Variants in MRC1 observed in about 807,000 individuals in gnomAD.
MRC1 encodes mannose receptor C-type 1, also known as macrophage mannose receptor 1.
In MRC1, 62 loss-of-function variants were observed where a neutral mutation model predicts 102.9. The ratio of observed to expected loss-of-function variants is 0.60; its 90% CI spans 0.49 to 0.74. The LOEUF is 0.74. MRC1 is among the 30% of genes least tolerant of loss of function. The probability of loss-of-function intolerance (pLI) is 0.00; values close to 1 mark genes in which losing one functional copy is unlikely to be tolerated. For missense variants in MRC1, 1,237 were observed against 862.8 expected, an observed-to-expected ratio of 1.43 and a Z score of -5.43; for synonymous variants, 457 against 298.4, an observed-to-expected ratio of 1.53 and a Z score of -5.48.
At chr10:17,883,437 GC>G (rs1312190553) in intron 21 of MRC1, among the ~76,000 whole-genome samples, 5 of 586 alleles carry the variant, frequency 8.5e-3, no homozygotes, top group Non-Finnish European at 0.018. Flanking sequence ...CTGTACTCAT[GC>G]TGCTTTTTCT....
chr10:17,827,071 A>G lies in MRC1; in HGVS notation c.464-471A>G, dbSNP rs1033588224. 2.6e-3 allele frequency among the ~76,000 whole-genome samples: 401 copies of G among 152,244 alleles called. 1 individual carries two copies. Among genetic ancestry groups the G allele is most frequent in the African/African-American group, 8.9e-3 (370 of 41,552 alleles). On this transcript the variant is annotated intron_variant, in intron 2 of 29. Transcript: ENST00000569591. ...AAGAGAAAGAACTGTTTCAGAGGAA[A>G]TTCAGAAGTTAAAGCTGGTGTCAAT...
intron 2 of MRC1, among the ~76,000 whole-genome samples, chr10:17,826,778 A>T (rs1009771235): frequency 6.6e-6 from 1 of 152,120 alleles, no homozygotes; most frequent in Non-Finnish European, 1.5e-5. Context: ...AGAGCTTCCC[A>T]CTCAATCTGT....
At position 17,885,335 on chromosome 10, in the gene MRC1, C is replaced by T. The variant is rs999699772; in HGVS notation, c.3047C>T (p.Ser1016Leu). 421 of 780,858 alleles carry T rather than the reference C, an allele frequency of 5.4e-4. No individual in the cohort carries two copies. Among genetic ancestry groups the T allele is most frequent in the Non-Finnish European group, 3.5e-4 (147 of 417,964 alleles). The allele number at this position is 780,858 out of a possible 1,614,324, so 48.4% of individuals were successfully genotyped here. ...TGGACTGGGCTGAATGATGTCAATTCAGAACACACGTTCCTTTGGACGGAT... is the reference window on the plus strand; with the variant it reads ...TGGACTGGGCTGAATGATGTCAATTTAGAACACACGTTCCTTTGGACGGAT... ...SAWTGLNDVN[S>L]EHTFLWTDGR... is the part of the protein sequence containing the mutation. The change falls in exon 22 of 30, where the codon TCA becomes TTA. Residue 1016 changes from serine to leucine, a missense_variant. Ser to Leu is a moderately radical substitution (Grantham distance 145). Coordinates refer to ENST00000569591, the MANE Select transcript of MRC1 (RefSeq NM_002438.4).
rs1009354996 is a variant in MRC1, at chr10:17,910,338, G to T, written c.4244G>T (p.Arg1415Leu). ...LAAYFFYKKR[R>L]VHLPQEGAFE... ...GCCTATTTCTTTTATAAGAAAAGAC[G>T]TGTGCACCTACCTCAAGAGGGCGCC... is the stretch of plus-strand genomic sequence containing the variant. The change falls in exon 30 of 30, where the codon CGT becomes CTT. Residue 1415 changes from arginine (R) to leucine (L), a missense_variant. By Grantham distance (102) the Arg-to-Leu change is moderately radical (BLOSUM62 -2). Transcript: ENST00000569591. 140 of 780,662 alleles carry T rather than the reference G, an allele frequency of 1.8e-4. No individual in the cohort carries two copies. In the African/African-American group the frequency reaches 2.2e-3, roughly 12 times the overall value. 48.4% of individuals were successfully genotyped at this position (780,662 alleles called of 1,614,324 possible). A position where few individuals can be genotyped will look rare whatever the true frequency, so the allele number is the denominator to read the frequency against.
chr10:17,875,563 G>C (rs1310860244), intron 17 of MRC1, among the ~76,000 whole-genome samples: 1 of 152,158 alleles, frequency 6.6e-6, no homozygotes, highest in East Asian at 1.9e-4. Context: ...ATGGTCTCCA[G>C]TTCCATCCAG....
At chr10:17,860,868 T>C (rs1362811532) in intron 9 of MRC1, among the ~76,000 whole-genome samples, 1 of 152,264 alleles carries the variant, frequency 6.6e-6, no homozygotes, top group Non-Finnish European at 1.5e-5. Flanking sequence ...TTTATTTGCA[T>C]ATTTGTCATA....
At chr10:17,850,240 A>G (rs1339464274) in intron 7 of MRC1, among the ~76,000 whole-genome samples, 1 of 144,434 alleles carries the variant, frequency 6.9e-6, no homozygotes, top group Non-Finnish European at 1.5e-5. Flanking sequence ...GGTGTTGAAC[A>G]GTGAAAAATA....
At chr10:17,861,870 A>G (rs1353736211) in intron 10 of MRC1, among the ~76,000 whole-genome samples, 1 of 152,228 alleles carries the variant, frequency 6.6e-6, no homozygotes, top group African/African-American at 2.4e-5. Flanking sequence ...CCACCAAAAA[A>G]GAAGGCAAAG....
intron 4 of MRC1, among the ~76,000 whole-genome samples, chr10:17,836,215 G>C (rs566879853): frequency 6.6e-6 from 1 of 152,318 alleles, no homozygotes; most frequent in East Asian, 1.9e-4. Flanking sequence ...TCACCAACCA[G>C]AACACATCTC....
At chr10:17,849,186 C>T (rs1170807734) in intron 6 of MRC1, among the ~76,000 whole-genome samples, 2 of 151,082 alleles carry the variant, frequency 1.3e-5, no homozygotes, top group Non-Finnish European at 3.0e-5. Context: ...CCTGTAGTAG[C>T]AGCTACTTAG....
intron 29 of MRC1, 91 bp from the exon 30 acceptor site, chr10:17,910,124 G>A: frequency 2.6e-6 from 2 of 768,968 alleles, no homozygotes; most frequent in South Asian, 1.4e-5. Flanking sequence ...GAATATTTAT[G>A]CCTTTTAGTT....
rs953236250 is a variant in MRC1 at position 17,866,389 on chromosome 10, G to A, written c.1784-173G>A. On this transcript the variant is annotated intron_variant, in intron 11 of 29. Coordinates refer to ENST00000569591, the MANE Select transcript of MRC1 (RefSeq NM_002438.4). ...AAATATTTTATCATTAAATGCCTGT[G>A]TAGGGGGCACTTTGCCAAATGTTAG... Among the ~76,000 whole-genome samples, 8 of 150,820 alleles carry A rather than the reference G, an allele frequency of 5.3e-5. No individual in the cohort carries two copies. In the South Asian group the frequency reaches 6.4e-4, roughly 12 times the overall value.
At chr10:17,848,918 C>G (rs983359778) in intron 6 of MRC1, among the ~76,000 whole-genome samples, 2 of 152,142 alleles carry the variant, frequency 1.3e-5, no homozygotes, top group Non-Finnish European at 1.5e-5. Flanking sequence ...CATTCCAGCT[C>G]TCTACTTCAA....
rs1554839227 is a variant in MRC1 at position 17,833,680 on chromosome 10, G to C, written c.643G>C (p.Gly215Arg). Reference sequence around the variant, plus strand: ...CCATCTGATTTCTTTCACAGTTGAGGGCAGTGAAAGCTTATGGAATAAAGA... The same window carrying C: ...CCATCTGATTTCTTTCACAGTTGAGCGCAGTGAAAGCTTATGGAATAAAGA... ...LFGYCPLKFEGSESLWNKDPL... is the reference protein window; with the variant it reads ...LFGYCPLKFERSESLWNKDPL... The change falls in exon 4 of 30, where the codon GGC (glycine) becomes CGC (arginine). Residue 215 changes from glycine to arginine, a missense_variant. Transcript: ENST00000569591. 1 of 780,858 alleles carries C rather than the reference G, an allele frequency of 1.3e-6. No individual in the cohort carries two copies. The highest frequency in any genetic ancestry group is 1.7e-5 in the African/African-American group (1 of 59,106). The allele number at this position is 780,858 out of a possible 1,614,324, so 48.4% of individuals were successfully genotyped here. A position where few individuals can be genotyped will look rare whatever the true frequency, so the allele number is the denominator to read the frequency against.
intron 7 of MRC1, among the ~76,000 whole-genome samples, chr10:17,850,447 T>C (rs904826868): frequency 6.6e-6 from 1 of 151,756 alleles, no homozygotes. Flanking sequence ...CTAAAAAAAA[T>C]TTTTTTTAAA....
Position 17,823,229 on chromosome 10 carries a change from T to C in MRC1, c.217T>C (p.Leu73=), listed in dbSNP as rs562069787. The change falls in exon 2 of 30, where the codon TTA becomes CTA. Residue 73 remains leucine, a synonymous_variant. Coordinates refer to ENST00000569591, the MANE Select transcript of MRC1 (RefSeq NM_002438.4). ...TCAGATTATGAGTGTTGCATTTAAA[T>C]TATGCCTGGGAGTGCCATCAAAAAC... is the stretch of plus-strand genomic sequence containing the variant. The part of the protein sequence containing the change: ...ESQIMSVAFK[L]CLGVPSKTDW... 17 of 780,862 alleles carry C rather than the reference T, an allele frequency of 2.2e-5. No homozygotes were observed. The highest frequency in any genetic ancestry group is 2.3e-4 in the Middle Eastern group (1 of 4,436). 48.4% of individuals were successfully genotyped at this position (780,862 alleles called of 1,614,324 possible).
At chr10:17,882,145 T>C (rs1165904847) in intron 21 of MRC1, among the ~76,000 whole-genome samples, 3 of 152,094 alleles carry the variant, frequency 2.0e-5, no homozygotes, top group Non-Finnish European at 4.4e-5. Flanking sequence ...AAATTGTGAC[T>C]TGCCCTTTGA....
At chr10:17,863,466 T>A in intron 10 of MRC1, 68 bp from the exon 11 acceptor site, 2 of 778,996 alleles carry the variant, frequency 2.6e-6, no homozygotes, top group South Asian at 1.3e-5. Context: ...AGTTTCCACG[T>A]TGATAATTTT....
At chr10:17,818,299 A>G (rs1231316508) in intron 1 of MRC1, among the ~76,000 whole-genome samples, 15 of 152,354 alleles carry the variant, frequency 9.8e-5, no homozygotes, top group African/African-American at 3.4e-4. Context: ...TCATTCAACT[A>G]ATTATTTGTT....
Sources: allele counts gnomAD v4.1 joint callset (sites outside exome capture counted in the v4.1 genomes callset), GRCh38; gene constraint gnomAD v4.1.1; transcripts MANE v1.5; gene names NCBI Gene and HGNC (gene_info 2026-07-23, HGNC 2026-07-21).